The following NFKB1 variants were observed in gnomAD, a reference collection of about 807,000 sequenced individuals.
NFKB1 encodes nuclear factor NF-kappa-B p105 subunit.
A neutral mutation model predicts 105.1 loss-of-function variants in NFKB1; 9 were observed. That is an observed-to-expected ratio of 0.09 (90% CI 0.05 to 0.15). The LOEUF (loss-of-function observed/expected upper bound fraction) is 0.15. Among genes scored for constraint, NFKB1 ranks in the 10% least tolerant of loss-of-function variants. The pLI is 1.00. For missense variants in NFKB1, 830 were observed against 1,203.7 expected (o/e 0.69, Z 4.59); for synonymous variants, 440 against 442.2 (o/e 1.00, Z 0.06).
chr4:102,582,942 A>G lies in NFKB1; in HGVS notation c.912A>G (p.Thr304=). Residue 304 remains threonine, a synonymous_variant, in exon 10 of 24, where the codon ACA becomes ACG. Coordinates refer to ENST00000226574, the MANE Select transcript of NFKB1 (RefSeq NM_003998.4). Reference sequence around the variant, plus strand: ...AAGGATTTGGAGATTTTTCCCCCACAGATGTTCATAGACAAGTAAGTGATT... The same window carrying G: ...AAGGATTTGGAGATTTTTCCCCCACGGATGTTCATAGACAAGTAAGTGATT... ...VWEGFGDFSP[T]DVHRQFAIVF... 1 of 1,606,606 alleles carries G rather than the reference A, an allele frequency of 6.2e-7. No homozygotes were observed. Among genetic ancestry groups the G allele is most frequent in the Non-Finnish European group, 8.5e-7 (1 of 1,173,648 alleles).
chr4:102,577,187 C>A (rs766407539), intron 7 of NFKB1, 148 bp downstream of exon 7: 2 of 771,050 alleles, frequency 2.6e-6, no homozygotes, highest in Non-Finnish European at 4.0e-6. Flanking sequence ...TGATGGCATC[C>A]TGCTACTTCT....
intron 5 of NFKB1, among the ~76,000 whole-genome samples, chr4:102,541,942 C>G (rs1008156135): frequency 4.6e-5 from 7 of 152,094 alleles, no homozygotes; most frequent in Non-Finnish European, 8.8e-5. Context: ...GCTGATAGTT[C>G]AGTGCATACT....
chr4:102,568,850 C>T (rs1046511288), intron 6 of NFKB1, among the ~76,000 whole-genome samples: 20 of 152,072 alleles, frequency 1.3e-4, no homozygotes, highest in African/African-American at 4.8e-4. Flanking sequence ...GTTGGGAGAA[C>T]TCATCAGTCA....
chr4:102,613,631 C>T (rs1440676196), intron 23 of NFKB1, 50 bp downstream of exon 23: 6 of 1,573,222 alleles, frequency 3.8e-6, no homozygotes, highest in Non-Finnish European at 5.2e-6. Flanking sequence ...CTCCCCCAGG[C>T]TGGTGTCTTC....
At chr4:102,575,045 T>C (rs779370544) in intron 6 of NFKB1, among the ~76,000 whole-genome samples, 5 of 152,196 alleles carry the variant, frequency 3.3e-5, no homozygotes, top group East Asian at 1.9e-4. Flanking sequence ...CCAAAAGATA[T>C]AGGTATTGTT....
intron 2 of NFKB1, among the ~76,000 whole-genome samples, chr4:102,526,638 C>T (rs1432740334): frequency 6.6e-6 from 1 of 152,124 alleles, no homozygotes; most frequent in Non-Finnish European, 1.5e-5. Flanking sequence ...TGAAGAATCA[C>T]TTAGTCCCCG....
intron 19 of NFKB1, among the ~76,000 whole-genome samples, chr4:102,608,464 C>G (rs553364779): frequency 2.7e-4 from 41 of 152,258 alleles, no homozygotes; most frequent in African/African-American, 8.2e-4. Context: ...ATTCTCTGTA[C>G]TATGTTTCTC....
chr4:102,607,448 G>T (rs1727880411), intron 18 of NFKB1, 129 bp downstream of exon 18: 1 of 1,150,118 alleles, frequency 8.7e-7, no homozygotes, highest in Admixed American at 2.2e-5. Flanking sequence ...CATTTATGGA[G>T]GGCTTCAGAG....
At chr4:102,599,480 C>T (rs571154500) in intron 15 of NFKB1, among the ~76,000 whole-genome samples, 4 of 152,188 alleles carry the variant, frequency 2.6e-5, no homozygotes, top group Admixed American at 6.5e-5. Flanking sequence ...GCCTGTACCT[C>T]GTGTCCCAGA....
At chr4:102,501,980 TC>T (rs1739064614) in intron 1 of NFKB1, 192 bp downstream of exon 1, 1 of 152,126 alleles carries the variant, frequency 6.6e-6, no homozygotes, top group African/African-American at 2.4e-5. Flanking sequence ...GAAAGACACA[TC>T]CGGACCTCGC....
At chr4:102,600,790 C>T (rs765642217) in intron 15 of NFKB1, 105 bp from the exon 16 acceptor site, 3 of 740,016 alleles carry the variant, frequency 4.1e-6, no homozygotes, top group Non-Finnish European at 7.2e-6. Flanking sequence ...CCAAATAAAA[C>T]TAGGTATGAG....
rs960715375 is a variant in NFKB1, at chr4:102,596,471, A to T, written c.1495+139A>T. The T allele has an allele frequency of 1.8e-5, 11 of 605,924 alleles. No individual in the cohort carries two copies. The African/African-American group carries it at 1.9e-4, about 10-fold the overall frequency. 37.5% of individuals were successfully genotyped at this position (605,924 alleles called of 1,614,324 possible). ...TCTTCAAAGTTCTGTATGCCTTTGG[A>T]AAAGCATATGTCAGATCATTTTATT... On this transcript the variant is annotated intron_variant, in intron 14 of 23. Coordinates refer to ENST00000226574, the MANE Select transcript of NFKB1 (RefSeq NM_003998.4).
chr4:102,583,130 A>T (rs756204715), intron 10 of NFKB1, among the ~76,000 whole-genome samples, 173 bp downstream of exon 10: 3 of 152,062 alleles, frequency 2.0e-5, no homozygotes, highest in Non-Finnish European at 4.4e-5. Context: ...CAGGCATGCT[A>T]CCATGCCCAG....
chr4:102,614,055 T>C (rs1728699365), intron 23 of NFKB1, among the ~76,000 whole-genome samples: 1 of 152,168 alleles, frequency 6.6e-6, no homozygotes, highest in Admixed American at 6.5e-5. Context: ...CCTACAATTT[T>C]ATTCTCCCAC....
chr4:102,557,855 G>A (rs989657482), intron 5 of NFKB1, among the ~76,000 whole-genome samples: 4 of 152,078 alleles, frequency 2.6e-5, no homozygotes, highest in Non-Finnish European at 4.4e-5. Context: ...ACAGCTGGCA[G>A]AATTCCTACC....
chr4:102,504,954 G>A (rs1739331700), intron 1 of NFKB1, among the ~76,000 whole-genome samples: 1 of 152,090 alleles, frequency 6.6e-6, no homozygotes, highest in South Asian at 2.1e-4. Flanking sequence ...ACATAACCAA[G>A]CCTTTTATCT....
At chr4:102,545,414 T>C (rs569597388) in intron 5 of NFKB1, among the ~76,000 whole-genome samples, 2 of 152,244 alleles carry the variant, frequency 1.3e-5, no homozygotes, top group South Asian at 4.1e-4. Flanking sequence ...ACTTACATCA[T>C]CTCATTTAAT....
intron 5 of NFKB1, among the ~76,000 whole-genome samples, chr4:102,558,373 C>T (rs765882172): frequency 2.4e-4 from 36 of 152,104 alleles, no homozygotes; most frequent in Non-Finnish European, 4.9e-4. Context: ...CTGCAAAGGA[C>T]ATGATCTTGT....
chr4:102,558,470 AC>A (rs1315573867), intron 5 of NFKB1, among the ~76,000 whole-genome samples: 12 of 152,042 alleles, frequency 7.9e-5, no homozygotes, highest in African/African-American at 2.9e-4. Context: ...TCCACTCCTC[AC>A]CCACTACCTG....
Sources: gnomAD v4.1 joint callset for allele counts (sites outside exome capture counted in the v4.1 genomes callset) on GRCh38, gnomAD v4.1.1 for gene constraint, MANE v1.5 for transcripts, NCBI Gene and HGNC (gene_info 2026-07-23, HGNC 2026-07-21) for gene names.